ZNF431: variants seen among roughly 807,000 people sequenced by gnomAD.
ZNF431 encodes the protein zinc finger protein 431.
Under a neutral mutation model 57.0 loss-of-function variants are expected in ZNF431, and 34 were observed. The ratio of observed to expected loss-of-function variants is 0.60; its 90% confidence interval spans 0.45 to 0.79. The LOEUF is 0.79. Among genes scored for constraint, ZNF431 ranks in the 30% least tolerant of loss-of-function variants. The pLI is 0.00. For missense variants in ZNF431, 607 were observed against 667.1 expected (o/e 0.91, Z 0.99); for synonymous variants, 207 against 220.3 (o/e 0.94, Z 0.54).
chr19:21,182,180 C>T (rs984951793), intron 4 of ZNF431, among the ~76,000 whole-genome samples: 3 of 152,114 alleles, frequency 2.0e-5, no homozygotes, highest in African/African-American at 7.2e-5. Flanking sequence ...TCTTTCAGCA[C>T]TTTATGTTAT....
At chr19:21,179,760 A>G (rs1322325779) in intron 4 of ZNF431, among the ~76,000 whole-genome samples, 1 of 151,994 alleles carries the variant, frequency 6.6e-6, no homozygotes, top group African/African-American at 2.4e-5. Flanking sequence ...GGGTTTCACC[A>G]TATTGGTCAG....
chr19:21,162,134 A>T (rs1393850431), intron 2 of ZNF431, among the ~76,000 whole-genome samples: 1 of 44,638 alleles, frequency 2.2e-5, no homozygotes, highest in Non-Finnish European at 6.7e-5. Context: ...CTGTCACCAC[A>T]TCCAGCTAAT....
At position 21,148,184 on chromosome 19, in the gene ZNF431, ACT is replaced by A. The variant is rs1434623046; in HGVS notation, c.96+4542_96+4543del. On this transcript the variant is annotated intron_variant, in intron 2 of 4. Transcript: ENST00000311048. ...TAATTTTTTTGTATCTTTAGTAGAGACTGGTTTTCATCATGTTGGCCAGGCTG... is the reference window on the plus strand; with the variant it reads ...TAATTTTTTTGTATCTTTAGTAGAGAGGTTTTCATCATGTTGGCCAGGCTG... 1.3e-5 allele frequency among the ~76,000 whole-genome samples: 2 copies of A among 151,902 alleles called. 1 individual carries two copies. The highest frequency in any genetic ancestry group is 4.8e-5 in the African/African-American group (2 of 41,354).
At chr19:21,180,696 C>T (rs962563403) in intron 4 of ZNF431, among the ~76,000 whole-genome samples, 3 of 150,558 alleles carry the variant, frequency 2.0e-5, no homozygotes, top group Non-Finnish European at 3.0e-5. Context: ...CACCTATATT[C>T]CCAGCACTTT....
intron 4 of ZNF431, among the ~76,000 whole-genome samples, chr19:21,168,135 A>T (rs1437666760): frequency 6.6e-6 from 1 of 151,954 alleles, no homozygotes; most frequent in South Asian, 2.1e-4. Context: ...TGTTTGTATT[A>T]CTATAGTCTT....
rs1297244351 is a variant in ZNF431 at position 21,192,026 on chromosome 19, C to T, written c.*7992C>T. The T allele has an allele frequency of 1.3e-5, 2 of 151,994 alleles. No individual in the cohort carries two copies. The highest frequency in any genetic ancestry group is 2.9e-5 in the Non-Finnish European group (2 of 68,004). The allele number at this position is 151,994 out of a possible 1,614,324, so 9.4% of individuals were successfully genotyped here. On this transcript the variant is annotated 3_prime_UTR_variant, in exon 5 of 5. Coordinates refer to ENST00000311048, the MANE Select transcript of ZNF431 (RefSeq NM_133473.4). ...CTATTTAGAATGTAAGGCGTTTCAA[C>T]TTTTTGGTTAAATTTATTTCAAACT...
intron 2 of ZNF431, chr19:21,150,982 C>T (rs1970255889): frequency 6.6e-6 from 1 of 152,138 alleles, no homozygotes; most frequent in Admixed American, 6.6e-5. Context: ...TCTGTTTTTC[C>T]CAAGGTGTCC....
chr19:21,146,952 A>G (rs1323616786), intron 2 of ZNF431, among the ~76,000 whole-genome samples: 2 of 152,188 alleles, frequency 1.3e-5, no homozygotes, highest in Non-Finnish European at 2.9e-5. Context: ...TAACTACTTC[A>G]TGCTGAATAG....
At chr19:21,167,855 C>A (rs1295971462) in intron 4 of ZNF431, among the ~76,000 whole-genome samples, 189 bp downstream of exon 4, 1 of 152,124 alleles carries the variant, frequency 6.6e-6, no homozygotes, top group African/African-American at 2.4e-5. Context: ...CTTTTAAATT[C>A]TCTAAGAATT....
chr19:21,169,177 T>C (rs1970809246), intron 4 of ZNF431, among the ~76,000 whole-genome samples: 1 of 152,120 alleles, frequency 6.6e-6, no homozygotes, highest in Non-Finnish European at 1.5e-5. Context: ...CCTCCCAAAA[T>C]GCTGGGATTA....
At position 21,194,115 on chromosome 19, in the gene ZNF431, G is replaced by C. The variant is rs759340373; in HGVS notation, c.*10081G>C. The C allele has an allele frequency of 6.6e-6, 1 of 152,064 alleles. No homozygotes were observed. Among genetic ancestry groups the C allele is most frequent in the Admixed American group, 6.6e-5 (1 of 15,264 alleles). 9.4% of individuals were successfully genotyped at this position (152,064 alleles called of 1,614,324 possible). ...AATTCTCTACCTAGAAAACTTTAAG[G>C]ATTTTACCAAAAGACTCCTAAGGTT... is the stretch of plus-strand genomic sequence containing the variant. On this transcript the variant is annotated 3_prime_UTR_variant, in exon 5 of 5. Transcript: ENST00000311048.
chr19:21,162,144 T>TTTGTGTGTG (rs1417739477), intron 2 of ZNF431, among the ~76,000 whole-genome samples: 8 of 66,070 alleles, frequency 1.2e-4, no homozygotes, highest in African/African-American at 2.4e-4. Context: ...ATCCAGCTAA[T>TTTGTGTGTG]TGTGTGTGTG....
At chr19:21,166,581 A>G (rs973488765) in intron 3 of ZNF431, 120 bp downstream of exon 3, 7 of 1,204,408 alleles carry the variant, frequency 5.8e-6, no homozygotes, top group Non-Finnish European at 8.0e-6. Context: ...CCAGTTTTCA[A>G]GAAAATCTTG....
At chr19:21,152,462 A>G (rs577195288) in intron 2 of ZNF431, among the ~76,000 whole-genome samples, 114 of 152,274 alleles carry the variant, frequency 7.5e-4, no homozygotes, top group African/African-American at 2.7e-3. Flanking sequence ...TAATTCTGTC[A>G]CCCATAGCCA....
At position 21,190,016 on chromosome 19, in the gene ZNF431, C is replaced by T. The variant is rs1453150741; in HGVS notation, c.*5982C>T. The T allele has an allele frequency of 7.7e-6, 3 of 387,800 alleles. No individual in the cohort carries two copies. The highest frequency in any genetic ancestry group is 9.1e-6 in the Non-Finnish European group (2 of 219,600). The allele number at this position is 387,800 out of a possible 1,614,324, so 24.0% of individuals were successfully genotyped here. A position where few individuals can be genotyped will look rare whatever the true frequency, so the allele number is the denominator to read the frequency against. On this transcript the variant is annotated 3_prime_UTR_variant, in exon 5 of 5. Transcript: ENST00000311048. Reference sequence around the variant, plus strand: ...AAAACAACAAAACAAAAACAAAAAACACCTCAGCTGGGTGTGGTGGTGCAG... The same window carrying T: ...AAAACAACAAAACAAAAACAAAAAATACCTCAGCTGGGTGTGGTGGTGCAG...
At chr19:21,167,927 C>A (rs1385920022) in intron 4 of ZNF431, among the ~76,000 whole-genome samples, 1 of 152,154 alleles carries the variant, frequency 6.6e-6, no homozygotes, top group Non-Finnish European at 1.5e-5. Flanking sequence ...ATTGTCATAG[C>A]ATATAAAAGA....
intron 2 of ZNF431, among the ~76,000 whole-genome samples, chr19:21,147,713 C>T (rs1188368417): frequency 6.6e-6 from 1 of 151,924 alleles, no homozygotes; most frequent in Admixed American, 6.6e-5. Context: ...ATGAAGTCAG[C>T]ATGTTCTTAG....
At chr19:21,173,713 A>G (rs1350387225) in intron 4 of ZNF431, among the ~76,000 whole-genome samples, 6 of 151,056 alleles carry the variant, frequency 4.0e-5, no homozygotes, top group Non-Finnish European at 7.4e-5. Flanking sequence ...TTTAGTAGAG[A>G]TGGGGCTTTC....
Position 21,183,665 on chromosome 19 carries a change from A to G in ZNF431, c.1362A>G (p.Lys454=). Residue 454 remains lysine, a synonymous_variant, in exon 5 of 5, where the codon AAA becomes AAG. Transcript: ENST00000311048. Reference sequence around the variant, plus strand: ...ATAAGATAATTCATACTGGAGAGAAACCTTACAAATGTGAAGAATGTGGCA... The same window carrying G: ...ATAAGATAATTCATACTGGAGAGAAGCCTTACAAATGTGAAGAATGTGGCA... ...TAHKIIHTGE[K]PYKCEECGKA... 1 of 1,613,372 alleles carries G rather than the reference A, an allele frequency of 6.2e-7. No homozygotes were observed.
Sources: allele counts gnomAD v4.1 joint callset (sites outside exome capture counted in the v4.1 genomes callset), GRCh38; gene constraint gnomAD v4.1.1; transcripts MANE v1.5; gene names NCBI Gene and HGNC (gene_info 2026-07-23, HGNC 2026-07-21).